HCRTR2: variants seen among roughly 807,000 people sequenced by gnomAD.
HCRTR2 encodes hypocretin receptor 2, also known as orexin receptor type 2.
In HCRTR2, 22 loss-of-function variants were observed where a neutral mutation model predicts 49.0. The observed-to-expected ratio is 0.45, with a 90% CI of 0.32 to 0.64. The LOEUF is 0.64. Among genes scored for constraint, HCRTR2 ranks in the 30% least tolerant of loss-of-function variants. HCRTR2 has a pLI of 0.04. For missense variants in HCRTR2, 491 were observed against 559.4 expected (o/e 0.88, Z 1.23); for synonymous variants, 236 against 205.3 (o/e 1.15, Z -1.28).
intron 1 of HCRTR2, among the ~76,000 whole-genome samples, chr6:55,138,171 A>C (rs1449022961): frequency 6.6e-6 from 1 of 152,214 alleles, no homozygotes; most frequent in Non-Finnish European, 1.5e-5. Flanking sequence ...TAAAAAAAAG[A>C]AGCTTTAAGC....
intron 1 of HCRTR2, among the ~76,000 whole-genome samples, chr6:55,155,160 G>A (rs1764714203): frequency 6.6e-6 from 1 of 151,446 alleles, no homozygotes; most frequent in South Asian, 2.1e-4. Context: ...AAAACAACCT[G>A]TAGAGTCAAT....
At chr6:55,255,100 G>T (rs201865508) in intron 2 of HCRTR2, 36 bp from the exon 3 acceptor site, 71 of 1,611,194 alleles carry the variant, frequency 4.4e-5, no homozygotes, top group Non-Finnish European at 5.6e-5. Context: ...TTAACAGCTG[G>T]TGCTTCTCTA....
intron 1 of HCRTR2, among the ~76,000 whole-genome samples, chr6:55,124,142 C>G (rs1464053039): frequency 6.6e-6 from 1 of 152,032 alleles, no homozygotes; most frequent in Non-Finnish European, 1.5e-5. Context: ...TTAGTTATTT[C>G]TTGTCTTCTG....
chr6:55,266,540 A>G (rs1040678951), intron 4 of HCRTR2, among the ~76,000 whole-genome samples: 1 of 152,164 alleles, frequency 6.6e-6, no homozygotes, highest in Non-Finnish European at 1.5e-5. Context: ...GATATTTTAG[A>G]TTTAGATTCA....
intron 1 of HCRTR2, among the ~76,000 whole-genome samples, chr6:55,187,943 AT>A (rs1158902235): frequency 2.0e-5 from 3 of 150,486 alleles, no homozygotes; most frequent in African/African-American, 7.3e-5. Flanking sequence ...TGCCCGGCTA[AT>A]TTTTTTTTCT....
At chr6:55,116,974 G>A (rs574678789) in intron 1 of HCRTR2, among the ~76,000 whole-genome samples, 34 of 151,776 alleles carry the variant, frequency 2.2e-4, no homozygotes, top group Non-Finnish European at 2.7e-4. Flanking sequence ...GACAAAGACC[G>A]GGGCACTCCA....
intron 2 of HCRTR2, among the ~76,000 whole-genome samples, chr6:55,253,901 G>T (rs1366580487): frequency 6.6e-6 from 1 of 152,116 alleles, no homozygotes; most frequent in Non-Finnish European, 1.5e-5. Context: ...GGAGAAGGGA[G>T]AGGATCAGGA....
intron 1 of HCRTR2, among the ~76,000 whole-genome samples, chr6:55,185,756 G>A (rs989735120): frequency 1.3e-5 from 2 of 152,158 alleles, no homozygotes; most frequent in Non-Finnish European, 2.9e-5. Context: ...AGATGAATAA[G>A]TCCTTGAATT....
chr6:55,190,999 T>A (rs951639780), intron 1 of HCRTR2, among the ~76,000 whole-genome samples: 6 of 152,012 alleles, frequency 3.9e-5, no homozygotes, highest in Non-Finnish European at 8.8e-5. Flanking sequence ...ATTGTACCAA[T>A]GAAGAGCTAT....
intron 1 of HCRTR2, among the ~76,000 whole-genome samples, chr6:55,184,680 T>C (rs1765187960): frequency 6.6e-6 from 1 of 152,246 alleles, no homozygotes; most frequent in Admixed American, 6.5e-5. Flanking sequence ...CACTTCACAA[T>C]TTCTAAATCT....
intron 1 of HCRTR2, among the ~76,000 whole-genome samples, chr6:55,177,004 T>C (rs577577515): frequency 2.0e-5 from 3 of 152,344 alleles, no homozygotes; most frequent in Non-Finnish European, 4.4e-5. Context: ...ATTGCATTTT[T>C]ACCTTGCATA....
At chr6:55,152,214 C>A (rs1224609885) in intron 1 of HCRTR2, among the ~76,000 whole-genome samples, 2 of 151,982 alleles carry the variant, frequency 1.3e-5, no homozygotes, top group Non-Finnish European at 2.9e-5. Context: ...CTTCCCTTTT[C>A]TCTACCTCCT....
chr6:55,213,665 C>G (rs1478833011), intron 1 of HCRTR2, among the ~76,000 whole-genome samples: 1 of 152,094 alleles, frequency 6.6e-6, no homozygotes, highest in Non-Finnish European at 1.5e-5. Context: ...ATTCTTGGCT[C>G]CTGACTACTT....
chr6:55,159,427 C>T (rs952711839), intron 1 of HCRTR2, among the ~76,000 whole-genome samples: 1 of 152,258 alleles, frequency 6.6e-6, no homozygotes, highest in Middle Eastern at 3.4e-3. Flanking sequence ...CAGAATACCT[C>T]TTCTCCTCCA....
intron 1 of HCRTR2, among the ~76,000 whole-genome samples, chr6:55,155,691 T>G (rs1015984509): frequency 6.6e-6 from 1 of 152,050 alleles, no homozygotes; most frequent in African/African-American, 2.4e-5. Flanking sequence ...GTTAATTCAT[T>G]CAAACATTAT....
upstream of HCRTR2, among the ~76,000 whole-genome samples, chr6:55,170,305 T>C (rs1268180253): frequency 6.7e-6 from 1 of 148,972 alleles, no homozygotes; most frequent in Non-Finnish European, 1.5e-5. Flanking sequence ...AATATATTTA[T>C]TTATACATAG....
At chr6:55,208,276 A>G (rs1765637070) in intron 1 of HCRTR2, among the ~76,000 whole-genome samples, 1 of 151,034 alleles carries the variant, frequency 6.6e-6, no homozygotes, top group African/African-American at 2.4e-5. Flanking sequence ...GGAGTTTCAG[A>G]CCAGCCTGGC....
chr6:55,208,507 A>T (rs1765644196), intron 1 of HCRTR2, among the ~76,000 whole-genome samples: 2 of 151,810 alleles, frequency 1.3e-5, no homozygotes, highest in African/African-American at 2.4e-5. Context: ...ATAAAAATAA[A>T]AAAAAAAAGA....
chr6:55,143,331 T>A (rs1171691881), intron 1 of HCRTR2, among the ~76,000 whole-genome samples: 1 of 152,124 alleles, frequency 6.6e-6, no homozygotes, highest in South Asian at 2.1e-4. Context: ...CAGAATAAAA[T>A]GCTTTTCTCC....
Sources: gnomAD v4.1 joint callset for allele counts (sites outside exome capture counted in the v4.1 genomes callset) on GRCh38, gnomAD v4.1.1 for gene constraint, MANE v1.5 for transcripts, NCBI Gene and HGNC (gene_info 2026-07-23, HGNC 2026-07-21) for gene names.